LEKR1: variants seen among roughly 807,000 people sequenced by gnomAD.
LEKR1 encodes the protein protein LEKR1.
A neutral mutation model predicts 72.4 loss-of-function variants in LEKR1; 59 were observed. That is an observed-to-expected ratio of 0.82 (90% confidence interval 0.66 to 1.01). The LOEUF is 1.01. Among genes scored for constraint, LEKR1 ranks in the 50% least tolerant of loss-of-function variants. The pLI is 0.00. For missense variants in LEKR1, 728 were observed against 759.2 expected (o/e 0.96, Z 0.48); for synonymous variants, 257 against 263.2 (o/e 0.98, Z 0.23).
chr3:156,946,617 T>C (rs1726702530), intron 6 of LEKR1, among the ~76,000 whole-genome samples: 1 of 151,482 alleles, frequency 6.6e-6, no homozygotes, highest in African/African-American at 2.4e-5. Context: ...ATGTTCCTTC[T>C]ATACCCAGTT....
chr3:156,871,421 G>A (rs1241592070), intron 3 of LEKR1, among the ~76,000 whole-genome samples: 6 of 152,120 alleles, frequency 3.9e-5, no homozygotes, highest in Admixed American at 2.0e-4. Context: ...AAACATACGC[G>A]TGCATGTGTC....
intron 7 of LEKR1, among the ~76,000 whole-genome samples, chr3:156,989,493 C>T (rs1480645858): frequency 6.6e-6 from 1 of 152,130 alleles, no homozygotes; most frequent in African/African-American, 2.4e-5. Flanking sequence ...TTCTCTGCTT[C>T]CTGGACAATA....
intron 7 of LEKR1, among the ~76,000 whole-genome samples, chr3:156,984,629 A>G (rs1017220355): frequency 2.6e-5 from 4 of 152,134 alleles, no homozygotes; most frequent in African/African-American, 9.7e-5. Flanking sequence ...GTGAGCCAAG[A>G]TTGCGACACT....
At chr3:157,003,814 A>G (rs1732202070) in intron 9 of LEKR1, among the ~76,000 whole-genome samples, 1 of 152,192 alleles carries the variant, frequency 6.6e-6, no homozygotes, top group Non-Finnish European at 1.5e-5. Context: ...CCCTGTAGCA[A>G]CCACTAAAAT....
chr3:156,833,338 A>G (rs1576626669), intron 2 of LEKR1, among the ~76,000 whole-genome samples: 2 of 152,216 alleles, frequency 1.3e-5, no homozygotes. Flanking sequence ...TTAGAGTTCC[A>G]TAGCTGATTA....
intron 3 of LEKR1, among the ~76,000 whole-genome samples, chr3:156,887,428 G>A (rs1480503408): frequency 6.6e-6 from 1 of 151,960 alleles, no homozygotes; most frequent in Non-Finnish European, 1.5e-5. Context: ...TTTTACATTA[G>A]TAAAAAGTAG....
chr3:156,973,002 T>C (rs1007383632), intron 6 of LEKR1, among the ~76,000 whole-genome samples: 1 of 152,082 alleles, frequency 6.6e-6, no homozygotes, highest in Non-Finnish European at 1.5e-5. Context: ...TAAGTGTCTA[T>C]TGAAATAAAA....
intron 10 of LEKR1, among the ~76,000 whole-genome samples, chr3:157,012,842 C>A (rs574668353): frequency 6.6e-6 from 1 of 152,118 alleles, no homozygotes; most frequent in African/African-American, 2.4e-5. Context: ...TTTTTATTAG[C>A]CTCAGGGTAT....
At chr3:157,020,288 A>ATTG (rs1048823505) in intron 10 of LEKR1, among the ~76,000 whole-genome samples, 1 of 138,662 alleles carries the variant, frequency 7.2e-6, no homozygotes, top group Admixed American at 7.3e-5. Context: ...TATTATTATT[A>ATTG]TTATTATACT....
intron 2 of LEKR1, among the ~76,000 whole-genome samples, chr3:156,847,846 A>G (rs1308835504): frequency 5.9e-5 from 9 of 152,342 alleles, no homozygotes; most frequent in Admixed American, 5.9e-4. Context: ...CTGAACTTCT[A>G]GAAAACCTAT....
At chr3:156,854,205 G>A (rs557945845) in intron 3 of LEKR1, among the ~76,000 whole-genome samples, 2 of 136,742 alleles carry the variant, frequency 1.5e-5, no homozygotes, top group Non-Finnish European at 3.0e-5. Flanking sequence ...GTGCAGTGTC[G>A]TGATCTCAGC....
intron 9 of LEKR1, among the ~76,000 whole-genome samples, chr3:157,011,016 G>T (rs183074302): frequency 7.2e-5 from 11 of 152,116 alleles, no homozygotes; most frequent in African/African-American, 2.6e-4. Flanking sequence ...CTTTTTTAAA[G>T]AAACCAAATA....
intron 5 of LEKR1, among the ~76,000 whole-genome samples, chr3:156,935,826 A>G (rs73168696): frequency 0.013 from 1,969 of 152,314 alleles, 20 homozygotes; most frequent in Middle Eastern, 0.034. Flanking sequence ...CACTATTAAA[A>G]TTAATTTTGT....
intron 9 of LEKR1, among the ~76,000 whole-genome samples, chr3:157,006,691 C>T (rs576962235): frequency 5.3e-5 from 8 of 152,232 alleles, no homozygotes; most frequent in Non-Finnish European, 1.0e-4. Context: ...AATGAACTAT[C>T]AATAAGGTAC....
intron 6 of LEKR1, among the ~76,000 whole-genome samples, chr3:156,960,415 A>G (rs1393886185): frequency 6.6e-6 from 1 of 152,096 alleles, no homozygotes; most frequent in East Asian, 1.9e-4. Context: ...CCTCTGGAGT[A>G]GCTGGGATTA....
At chr3:156,830,769 A>G (rs975802092) in intron 2 of LEKR1, among the ~76,000 whole-genome samples, 3 of 152,198 alleles carry the variant, frequency 2.0e-5, no homozygotes, top group Non-Finnish European at 2.9e-5. Flanking sequence ...TAAAAGGTGA[A>G]AGATCTAAAG....
chr3:157,026,504 G>A (rs1734201836), intron 11 of LEKR1, among the ~76,000 whole-genome samples: 1 of 152,150 alleles, frequency 6.6e-6, no homozygotes, highest in African/African-American at 2.4e-5. Context: ...GCTCTCCTCT[G>A]GGTGATGAAA....
At chr3:157,036,085 A>G (rs1181063450) in intron 12 of LEKR1, among the ~76,000 whole-genome samples, 1 of 152,220 alleles carries the variant, frequency 6.6e-6, no homozygotes, top group Non-Finnish European at 1.5e-5. Flanking sequence ...AGGATCACCA[A>G]TTATTTGAGA....
intron 6 of LEKR1, among the ~76,000 whole-genome samples, chr3:156,971,540 A>T (rs925790277): frequency 2.0e-5 from 3 of 152,190 alleles, no homozygotes; most frequent in Non-Finnish European, 4.4e-5. Flanking sequence ...AACTACCATC[A>T]GAGTGAACAG....
Sources: gnomAD v4.1 joint callset for allele counts (sites outside exome capture counted in the v4.1 genomes callset) on GRCh38, gnomAD v4.1.1 for gene constraint, MANE v1.5 for transcripts, NCBI Gene and HGNC (gene_info 2026-07-23, HGNC 2026-07-21) for gene names.